Variants in NELL1 observed in about 807,000 individuals in gnomAD.
NELL1 encodes protein kinase C-binding protein NELL1.
In NELL1, 76 loss-of-function variants were observed where a neutral mutation model predicts 107.4. The ratio of observed to expected loss-of-function variants is 0.71; its 90% CI spans 0.59 to 0.86. The LOEUF (loss-of-function observed/expected upper bound fraction) is 0.86. Among genes scored for constraint, NELL1 ranks in the 40% least tolerant of loss-of-function variants. The pLI, the probability that NELL1 is intolerant of heterozygous loss-of-function variation, is 0.00. For missense variants in NELL1, 1,024 were observed against 1,005.5 expected (o/e 1.02, Z -0.25); for synonymous variants, 353 against 341.2 (o/e 1.03, Z -0.38).
At chr11:21,269,027 C>CTAAT (rs1405193674) in intron 14 of NELL1, among the ~76,000 whole-genome samples, 31 of 151,642 alleles carry the variant, frequency 2.0e-4, no homozygotes, top group Admixed American at 1.6e-3. Flanking sequence ...CTTTTTTGTG[C>CTAAT]TAATTAGTAA....
chr11:21,105,259 C>A (rs1356830457), intron 12 of NELL1, among the ~76,000 whole-genome samples: 4 of 152,266 alleles, frequency 2.6e-5, no homozygotes, highest in South Asian at 2.1e-4. Flanking sequence ...AAATAGCTCT[C>A]TCTCCTGCAG....
chr11:21,488,843 T>TAA (rs1854715851), intron 15 of NELL1, among the ~76,000 whole-genome samples: 3 of 150,970 alleles, frequency 2.0e-5, no homozygotes, highest in Non-Finnish European at 4.4e-5. Context: ...AAAGAAAGAT[T>TAA]TCAAATAATA....
chr11:21,170,637 C>G (rs1029334669), intron 13 of NELL1, among the ~76,000 whole-genome samples: 1 of 150,232 alleles, frequency 6.7e-6, no homozygotes, highest in Non-Finnish European at 1.5e-5. Flanking sequence ...TGTAAACATA[C>G]AAATGTGTCT....
intron 14 of NELL1, among the ~76,000 whole-genome samples, chr11:21,310,455 C>T (rs1025873704): frequency 6.6e-6 from 1 of 151,948 alleles, no homozygotes; most frequent in Non-Finnish European, 1.5e-5. Context: ...TGGTTTCGGT[C>T]CTCCTAATAT....
At chr11:21,111,220 A>C (rs909308847) in intron 12 of NELL1, among the ~76,000 whole-genome samples, 2 of 152,024 alleles carry the variant, frequency 1.3e-5, no homozygotes, top group Non-Finnish European at 2.9e-5. Flanking sequence ...CATTTTGCTC[A>C]ATGCCTTGCC....
At chr11:21,251,206 T>TA (rs1012633879) in intron 14 of NELL1, among the ~76,000 whole-genome samples, 3 of 152,120 alleles carry the variant, frequency 2.0e-5, no homozygotes, top group African/African-American at 7.2e-5. Flanking sequence ...ACTTACTTTT[T>TA]AAAAAACAGC....
intron 14 of NELL1, among the ~76,000 whole-genome samples, chr11:21,326,048 A>AG: frequency 2.9e-5 from 1 of 34,702 alleles, no homozygotes; most frequent in African/African-American, 1.4e-4. Context: ...TGTTAATCCT[A>AG]GTTTTTTTTT....
chr11:21,225,721 G>T (rs151167945), intron 13 of NELL1, among the ~76,000 whole-genome samples: 1 of 152,180 alleles, frequency 6.6e-6, no homozygotes, highest in East Asian at 1.9e-4. Context: ...AGTAATTGTC[G>T]CAGCAATATT....
intron 14 of NELL1, among the ~76,000 whole-genome samples, chr11:21,310,417 G>C (rs556033041): frequency 2.0e-5 from 3 of 152,094 alleles, no homozygotes; most frequent in East Asian, 3.9e-4. Flanking sequence ...CAAGCATCAT[G>C]GTTGGCAATG....
chr11:20,722,736 A>G (rs1777496531), intron 2 of NELL1, among the ~76,000 whole-genome samples: 1 of 152,202 alleles, frequency 6.6e-6, no homozygotes, highest in African/African-American at 2.4e-5. Flanking sequence ...GAGGGAGAAC[A>G]AATACAAGAG....
chr11:21,507,770 G>GT (rs1159602064), intron 15 of NELL1, among the ~76,000 whole-genome samples: 2 of 149,072 alleles, frequency 1.3e-5, no homozygotes, highest in East Asian at 2.0e-4. Context: ...AAAAGCAAAA[G>GT]TTTTTTCTTT....
At chr11:21,028,396 G>C (rs1340492293) in intron 12 of NELL1, among the ~76,000 whole-genome samples, 3 of 152,082 alleles carry the variant, frequency 2.0e-5, no homozygotes, top group African/African-American at 7.2e-5. Flanking sequence ...GACCCATTCA[G>C]AGCTAAGAAA....
intron 2 of NELL1, among the ~76,000 whole-genome samples, chr11:20,744,796 C>CAT (rs1855967526): frequency 1.3e-5 from 2 of 152,324 alleles, no homozygotes; most frequent in South Asian, 4.1e-4. Context: ...GTTCTGTCCA[C>CAT]AGTGGGAGTA....
At chr11:21,394,425 GC>G (rs922962721) in intron 15 of NELL1, among the ~76,000 whole-genome samples, 14 of 151,198 alleles carry the variant, frequency 9.3e-5, no homozygotes, top group African/African-American at 3.4e-4. Flanking sequence ...TATGTATATA[GC>G]CCTATATATG....
intron 14 of NELL1, among the ~76,000 whole-genome samples, chr11:21,236,778 T>C (rs1451773059): frequency 6.6e-6 from 1 of 152,102 alleles, no homozygotes; most frequent in Non-Finnish European, 1.5e-5. Flanking sequence ...GGTTTAGAGC[T>C]GGGAGGCACT....
chr11:21,538,561 A>G (rs1856204033), intron 16 of NELL1, among the ~76,000 whole-genome samples: 1 of 152,114 alleles, frequency 6.6e-6, no homozygotes, highest in African/African-American at 2.4e-5. Context: ...CCAGGAGAAA[A>G]TAGTACACAA....
intron 15 of NELL1, among the ~76,000 whole-genome samples, chr11:21,433,575 C>T (rs1853025069): frequency 6.6e-6 from 1 of 152,080 alleles, no homozygotes; most frequent in South Asian, 2.1e-4. Context: ...GCCATTCTAA[C>T]TGGGGTATGA....
intron 3 of NELL1, among the ~76,000 whole-genome samples, chr11:20,846,282 AAT>A (rs1023950235): frequency 6.6e-6 from 1 of 152,156 alleles, no homozygotes; most frequent in African/African-American, 2.4e-5. Flanking sequence ...ATGAGCAAGA[AAT>A]ATGTATTTGT....
At chr11:21,154,231 T>C (rs1272581411) in intron 13 of NELL1, among the ~76,000 whole-genome samples, 1 of 152,154 alleles carries the variant, frequency 6.6e-6, no homozygotes, top group Non-Finnish European at 1.5e-5. Context: ...TAGATTATTT[T>C]CAAGACCCCA....
Sources: gnomAD v4.1 joint callset for allele counts (sites outside exome capture counted in the v4.1 genomes callset) on GRCh38, gnomAD v4.1.1 for gene constraint, MANE v1.5 for transcripts, NCBI Gene and HGNC (gene_info 2026-07-23, HGNC 2026-07-21) for gene names.